Variants in EDEM3 observed in about 807,000 individuals in gnomAD.
EDEM3 encodes the protein ER degradation-enhancing alpha-mannosidase-like protein 3.
In EDEM3, 60 loss-of-function variants were observed where a neutral mutation model predicts 110.2. That is an observed-to-expected ratio of 0.54 (90% CI 0.44 to 0.67). EDEM3 has a LOEUF of 0.67. EDEM3 is among the 30% of genes least tolerant of loss of function. The pLI, the probability that EDEM3 is intolerant of heterozygous loss-of-function variation, is 0.00. For synonymous variants in EDEM3, 352 were observed against 382.9 expected, an observed-to-expected ratio of 0.92 and a Z score of 0.94; for missense variants, 996 against 1,121.0, an observed-to-expected ratio of 0.89 and a Z score of 1.59.
intron 6 of EDEM3, among the ~76,000 whole-genome samples, chr1:184,732,178 C>G (rs559436559): frequency 1.5e-4 from 23 of 151,436 alleles, no homozygotes; most frequent in South Asian, 4.2e-4. Flanking sequence ...TCCATTCCCC[C>G]CCACCAAAAA....
intron 2 of EDEM3, among the ~76,000 whole-genome samples, chr1:184,749,098 A>T (rs1239555809): frequency 6.6e-6 from 1 of 152,216 alleles, no homozygotes; most frequent in South Asian, 2.1e-4. Context: ...CTAAAAAGCA[A>T]AATATATTCA....
intron 6 of EDEM3, among the ~76,000 whole-genome samples, chr1:184,731,381 G>A (rs2102107114): frequency 6.6e-6 from 1 of 152,210 alleles, no homozygotes; most frequent in Admixed American, 6.5e-5. Context: ...AAAATAAGTG[G>A]TTCATTCCTA....
At chr1:184,698,427 C>T (rs1350589784) in intron 19 of EDEM3, among the ~76,000 whole-genome samples, 1 of 151,776 alleles carries the variant, frequency 6.6e-6, no homozygotes, top group Non-Finnish European at 1.5e-5. Flanking sequence ...AGTGATAATG[C>T]AAAACATAAT....
In EDEM3 at chr1:184,719,532, G is replaced by C; in HGVS notation, c.988C>G (p.Pro330Ala). The change falls in exon 10 of 20, where the codon CCT (proline) becomes GCT (alanine). Residue 330 changes from proline to alanine, a missense_variant. Pro to Ala is a conservative substitution (Grantham distance 27). This residue lies in a region of EDEM3 where 310 missense variants were observed against 394.6 expected (regional missense o/e 0.79). Transcript: ENST00000318130. ...DAIMRYISQPPLLLDVHIHKP... is the reference protein window; with the variant it reads ...DAIMRYISQPALLLDVHIHKP... The stretch of plus-strand genomic sequence containing the variant: ...TGGATATGCACATCAAGTAGAAGAG[G>C]TGGCTGGCTAATATACCTCATTATG... 1.2e-6 allele frequency: 2 copies of C among 1,613,974 alleles called. No homozygotes were observed. The highest frequency in any genetic ancestry group is 1.7e-6 in the Non-Finnish European group (2 of 1,179,990).
intron 19 of EDEM3, among the ~76,000 whole-genome samples, chr1:184,699,816 T>C (rs1435977585): frequency 2.6e-5 from 4 of 151,918 alleles, no homozygotes; most frequent in Non-Finnish European, 5.9e-5. Flanking sequence ...GCTTACACTC[T>C]AAGCTGCAAG....
intron 19 of EDEM3, among the ~76,000 whole-genome samples, chr1:184,696,689 G>C (rs1425063101): frequency 6.6e-6 from 1 of 151,890 alleles, no homozygotes; most frequent in Non-Finnish European, 1.5e-5. Flanking sequence ...GAAACCAATG[G>C]TGCAGACCAA....
chr1:184,748,112 GA>G (rs1652535230), intron 2 of EDEM3, among the ~76,000 whole-genome samples: 1 of 151,988 alleles, frequency 6.6e-6, no homozygotes, highest in South Asian at 2.1e-4. Flanking sequence ...AAATGATTTT[GA>G]AAGAAATAAG....
intron 1 of EDEM3, among the ~76,000 whole-genome samples, chr1:184,752,610 T>G (rs998558536): frequency 6.6e-5 from 10 of 152,254 alleles, no homozygotes; most frequent in Middle Eastern, 3.2e-3. Context: ...AAACTAATTT[T>G]GGTCAAAAAT....
At chr1:184,753,408 T>C (rs1379929246) in intron 1 of EDEM3, among the ~76,000 whole-genome samples, 6 of 69,494 alleles carry the variant, frequency 8.6e-5, no homozygotes, top group East Asian at 1.0e-3. Context: ...CAAAATGCAC[T>C]TTTTTTTTTT....
In EDEM3 at chr1:184,754,610, C is replaced by G; in HGVS notation, c.37G>C (p.Val13Leu). 1 of 1,607,010 alleles carries G rather than the reference C, an allele frequency of 6.2e-7. No individual in the cohort carries two copies. Among genetic ancestry groups the G allele is most frequent in the East Asian group, 2.2e-5 (1 of 44,550 alleles). Reference sequence around the variant, plus strand: ...AGTCTCCATCGCGCTCGCTGGGGAACCGGGGACCCACAGCCCCGGCCGCCG... The same window carrying G: ...AGTCTCCATCGCGCTCGCTGGGGAAGCGGGGACCCACAGCCCCGGCCGCCG... ...EAGGRGCGSP[V>L]PQRARWRLVA... The change falls in exon 1 of 20, where the codon GTT (valine) becomes CTT (leucine). Residue 13 changes from valine to leucine, a missense_variant. Around this residue, in one of 5 missense-constraint regions of EDEM3, gnomAD observed 200 missense variants for 183.8 expected, o/e 1.09. Coordinates refer to ENST00000318130, the MANE Select transcript of EDEM3 (RefSeq NM_025191.4).
chr1:184,727,610 C>A (rs1369318915), intron 6 of EDEM3, among the ~76,000 whole-genome samples: 2 of 152,102 alleles, frequency 1.3e-5, no homozygotes, highest in Non-Finnish European at 2.9e-5. Context: ...ACAAACACCC[C>A]CTCAACAACA....
intron 6 of EDEM3, among the ~76,000 whole-genome samples, chr1:184,728,216 C>A (rs1651298045): frequency 6.6e-6 from 1 of 152,056 alleles, no homozygotes; most frequent in Admixed American, 6.6e-5. Context: ...GAGAAAATAA[C>A]TGACAATGAA....
At chr1:184,749,490 T>C in intron 2 of EDEM3, 57 bp downstream of exon 2, 1 of 1,302,128 alleles carries the variant, frequency 7.7e-7, no homozygotes, top group Non-Finnish European at 1.1e-6. Flanking sequence ...CAGTTGACTG[T>C]GCTCACATAA....
intron 2 of EDEM3, among the ~76,000 whole-genome samples, chr1:184,746,531 T>C (rs1183161436): frequency 6.6e-6 from 1 of 152,246 alleles, no homozygotes; most frequent in Non-Finnish European, 1.5e-5. Context: ...ACTTTCATTA[T>C]ATTAACTTGC....
At chr1:184,749,421 C>T in intron 2 of EDEM3, 126 bp downstream of exon 2, 2 of 720,604 alleles carry the variant, frequency 2.8e-6, no homozygotes, top group East Asian at 3.1e-5. Context: ...CTATTTTTGC[C>T]CTGTTTTTTA....
chr1:184,750,383 C>T (rs896121998), intron 1 of EDEM3, among the ~76,000 whole-genome samples: 41 of 152,200 alleles, frequency 2.7e-4, no homozygotes, highest in African/African-American at 9.2e-4. Context: ...ACTGAGGAAG[C>T]AGCCTTTCAA....
At chr1:184,719,774 T>C (rs1252517485) in intron 9 of EDEM3, among the ~76,000 whole-genome samples, 1 of 152,230 alleles carries the variant, frequency 6.6e-6, no homozygotes, top group East Asian at 1.9e-4. Flanking sequence ...CTAACTCACA[T>C]GCAGACTATT....
At chr1:184,732,738 C>T in intron 6 of EDEM3, 99 bp downstream of exon 6, 1 of 1,211,866 alleles carries the variant, frequency 8.3e-7, no homozygotes, top group Non-Finnish European at 1.1e-6. Flanking sequence ...TTTTTTTCAG[C>T]CTCAAGCTGG....
chr1:184,751,044 G>A lies in EDEM3; in HGVS notation c.159-1452C>T, dbSNP rs114685686. Among the ~76,000 whole-genome samples, 262 of 152,074 alleles carry A rather than the reference G, an allele frequency of 1.7e-3. 2 individuals carry two copies. The highest frequency in any genetic ancestry group is 6.0e-3 in the African/African-American group (247 of 41,510). ...AACAAAATCAAGTACACTCAAACTTGTGAACGAATTAAGTCCTGACAACAT... is the reference window on the plus strand; with the variant it reads ...AACAAAATCAAGTACACTCAAACTTATGAACGAATTAAGTCCTGACAACAT... On this transcript the variant is annotated intron_variant, in intron 1 of 19. Coordinates refer to ENST00000318130, the MANE Select transcript of EDEM3 (RefSeq NM_025191.4).
Sources: allele counts gnomAD v4.1 joint callset (sites outside exome capture counted in the v4.1 genomes callset), GRCh38; gene constraint gnomAD v4.1.1; regional missense constraint gnomAD v4.1.1; transcripts MANE v1.5; gene names NCBI Gene and HGNC (gene_info 2026-07-23, HGNC 2026-07-21).